The following TP63 variants were observed in gnomAD, a reference collection of about 807,000 sequenced individuals.
TP63 encodes tumor protein p63, also known as tumor protein 63.
TP63 carries 17 observed loss-of-function variants against 82.8 expected under a neutral mutation model. The ratio of observed to expected loss-of-function variants is 0.21; its 90% CI spans 0.14 to 0.31. TP63 has a LOEUF of 0.31. Among genes scored for constraint, TP63 ranks in the 10% least tolerant of loss-of-function variants. TP63 has a pLI of 1.00. For synonymous variants in TP63, 330 were observed against 321.7 expected (o/e 1.03, Z -0.28); for missense variants, 648 against 895.3 (o/e 0.72, Z 3.52).
chr3:189,870,706 CAGTT>C (rs1412115578), intron 9 of TP63, among the ~76,000 whole-genome samples: 6 of 152,236 alleles, frequency 3.9e-5, no homozygotes, highest in East Asian at 3.9e-4. Context: ...ATTATGGTTG[CAGTT>C]AGTTAGTTGA....
chr3:189,687,848 A>G lies in TP63; in HGVS notation c.63-49892A>G, dbSNP rs181505622. ...TTCCCTGAAATGTAGCAGGTGTCCA[A>G]TAATACCTGTTAAATAACAGAATGA... is the stretch of plus-strand genomic sequence containing the variant. On this transcript the variant is annotated intron_variant, in intron 1 of 13. Coordinates refer to ENST00000264731, the MANE Select transcript of TP63 (RefSeq NM_003722.5). Among the ~76,000 whole-genome samples the G allele has an allele frequency of 2.6e-5, 4 of 152,352 alleles. No homozygotes were observed. The East Asian group carries it at 7.7e-4, about 29-fold the overall frequency.
In TP63 at chr3:189,846,148, A is replaced by G. The variant is rs539143814; in HGVS notation, c.580-18084A>G. Reference sequence around the variant, plus strand: ...TTTTTTTCCCCCTTCTCTTTGCAACATATTATTAGTAAAGGAGCTGAATTT... The same window carrying G: ...TTTTTTTCCCCCTTCTCTTTGCAACGTATTATTAGTAAAGGAGCTGAATTT... On this transcript the variant is annotated intron_variant, in intron 4 of 13. Coordinates refer to ENST00000264731, the MANE Select transcript of TP63 (RefSeq NM_003722.5). Among the ~76,000 whole-genome samples the G allele has an allele frequency of 7.2e-5, 11 of 151,838 alleles. No individual in the cohort carries two copies. In the South Asian group the frequency reaches 8.3e-4, roughly 11 times the overall value.
chr3:189,793,784 A>G (rs1725408609), intron 3 of TP63, among the ~76,000 whole-genome samples: 3 of 152,124 alleles, frequency 2.0e-5, no homozygotes, highest in Admixed American at 6.6e-5. Flanking sequence ...TCCATAATTT[A>G]TAAGTTTTAC....
chr3:189,645,879 A>G (rs967533492), intron 1 of TP63, among the ~76,000 whole-genome samples: 1 of 147,474 alleles, frequency 6.8e-6, no homozygotes, highest in Admixed American at 6.7e-5. Context: ...AATATACACC[A>G]CATTATCCAC....
intron 4 of TP63, among the ~76,000 whole-genome samples, chr3:189,853,795 C>G (rs1715946940): frequency 6.6e-6 from 1 of 152,130 alleles, no homozygotes; most frequent in Non-Finnish European, 1.5e-5. Flanking sequence ...TAAAACAGAG[C>G]CTTGGTAATA....
intron 3 of TP63, among the ~76,000 whole-genome samples, chr3:189,761,146 C>G (rs1000196164): frequency 1.4e-4 from 21 of 152,310 alleles, no homozygotes; most frequent in African/African-American, 5.1e-4. Context: ...AACATTTTCC[C>G]CATTGTCTTG....
At chr3:189,796,667 A>T (rs567562042) in intron 3 of TP63, among the ~76,000 whole-genome samples, 4 of 152,188 alleles carry the variant, frequency 2.6e-5, no homozygotes, top group Admixed American at 2.6e-4. Context: ...CAACCTCCTT[A>T]AAAGAAATAA....
chr3:189,710,252 C>A (rs1718497728), intron 1 of TP63, among the ~76,000 whole-genome samples: 1 of 152,078 alleles, frequency 6.6e-6, no homozygotes, highest in African/African-American at 2.4e-5. Flanking sequence ...ATATTATTAC[C>A]TCCCTGTTGT....
chr3:189,747,515 A>T (rs1254135604), intron 3 of TP63, among the ~76,000 whole-genome samples: 2 of 152,104 alleles, frequency 1.3e-5, no homozygotes, highest in Non-Finnish European at 2.9e-5. Flanking sequence ...AGAGGAAATT[A>T]AAAAATTTCT....
chr3:189,828,983 T>G (rs558778649), intron 4 of TP63, among the ~76,000 whole-genome samples: 1 of 152,364 alleles, frequency 6.6e-6, no homozygotes, highest in South Asian at 2.1e-4. Context: ...TATTTGGCCT[T>G]TGACTCGTGG....
chr3:189,824,248 G>C (rs996111148), intron 4 of TP63, among the ~76,000 whole-genome samples: 5 of 151,034 alleles, frequency 3.3e-5, no homozygotes, highest in Non-Finnish European at 7.4e-5. Context: ...ACAGAGTCTC[G>C]CTCCGTCACC....
At chr3:189,669,782 T>A (rs886796684) in intron 1 of TP63, among the ~76,000 whole-genome samples, 1 of 151,800 alleles carries the variant, frequency 6.6e-6, no homozygotes, top group African/African-American at 2.4e-5. Flanking sequence ...AAAAGAGATA[T>A]AGTAAAGCAA....
intron 1 of TP63, among the ~76,000 whole-genome samples, chr3:189,667,688 A>G (rs1714523729): frequency 6.6e-6 from 1 of 152,124 alleles, no homozygotes; most frequent in Non-Finnish European, 1.5e-5. Flanking sequence ...GTTATGGAAG[A>G]ACCCAATGCC....
At chr3:189,834,874 A>G (rs945623880) in intron 4 of TP63, among the ~76,000 whole-genome samples, 39 of 146,240 alleles carry the variant, frequency 2.7e-4, no homozygotes, top group African/African-American at 9.7e-4. Context: ...TGTTGATTTC[A>G]TATGGTTTTT....
chr3:189,866,408 T>A (rs190248199), intron 5 of TP63, among the ~76,000 whole-genome samples: 94 of 152,346 alleles, frequency 6.2e-4, no homozygotes, highest in Non-Finnish European at 1.2e-3. Context: ...TAGAGTTCCA[T>A]AAAGCTTGAA....
rs558243099 is a variant in TP63, at chr3:189,705,633, G to A, written c.63-32107G>A. On this transcript the variant is annotated intron_variant, in intron 1 of 13. Transcript: ENST00000264731. ...ACCTCTAGTCAATGGGAGAGCATAT[G>A]GAGTTTTAAAGAACATATTTATTAT... 4.6e-5 allele frequency among the ~76,000 whole-genome samples: 7 copies of A among 152,102 alleles called. No homozygotes were observed. The South Asian group carries it at 1.5e-3, about 32-fold the overall frequency.
intron 4 of TP63, among the ~76,000 whole-genome samples, chr3:189,860,357 C>T (rs1716870607): frequency 6.6e-6 from 1 of 151,966 alleles, no homozygotes; most frequent in Non-Finnish European, 1.5e-5. Flanking sequence ...CTTGCAGAAG[C>T]CGGGAAAATT....
chr3:189,618,362 A>G, the TP63 span, among the ~76,000 whole-genome samples: 1 of 152,100 alleles, frequency 6.6e-6, no homozygotes, highest in Non-Finnish European at 1.5e-5. Context: ...CCTCCTACTG[A>G]CCCATTCTTT....
the TP63 span, among the ~76,000 whole-genome samples, chr3:189,622,165 A>G: frequency 6.6e-6 from 1 of 152,164 alleles, no homozygotes; most frequent in African/African-American, 2.4e-5. Context: ...TCCTGGCCCA[A>G]ATGTGGATGC....
Sources: allele counts gnomAD v4.1 joint callset (sites outside exome capture counted in the v4.1 genomes callset), GRCh38; gene constraint gnomAD v4.1.1; transcripts MANE v1.5; gene names NCBI Gene and HGNC (gene_info 2026-07-23, HGNC 2026-07-21).